Variants in ADD1 observed in about 807,000 individuals in gnomAD.
ADD1 encodes the protein adducin 1.
A neutral mutation model predicts 80.5 loss-of-function variants in ADD1; 24 were observed. The ratio of observed to expected loss-of-function variants is 0.30; its 90% CI spans 0.22 to 0.42. The LOEUF (loss-of-function observed/expected upper bound fraction) is 0.42, where lower values mean the gene tolerates loss of function less well. Among genes scored for constraint, ADD1 ranks in the 10% least tolerant of loss-of-function variants. The pLI, the probability that ADD1 is intolerant of heterozygous loss-of-function variation, is 1.00. For synonymous variants in ADD1, 373 were observed against 393.8 expected (o/e 0.95, Z 0.63); for missense variants, 948 against 1,019.0 (o/e 0.93, Z 0.95).
chr4:2,899,474 T>C, intron 9 of ADD1, 39 bp downstream of exon 9: 2 of 1,611,304 alleles, frequency 1.2e-6, no homozygotes, highest in South Asian at 2.2e-5. Context: ...AACCTTTTGT[T>C]CTAAAAGCAT....
chr4:2,928,527 C>T lies in ADD1; in HGVS notation c.*4C>T. The T allele has an allele frequency of 6.2e-7, 1 of 1,612,060 alleles. No individual in the cohort carries two copies. Among genetic ancestry groups the T allele is most frequent in the Non-Finnish European group, 8.5e-7 (1 of 1,179,310 alleles). The stretch of plus-strand genomic sequence containing the variant: ...CAAGAAGAAGAGTGACTCCTGAAAG[C>T]CCTGCGCTAACACTGTCCTGTCCGG... On this transcript the variant is annotated 3_prime_UTR_variant, in exon 16 of 16. Transcript: ENST00000683351.
Position 2,929,367 on chromosome 4 carries a change from AG to A in ADD1, c.*846del, listed in dbSNP as rs1712620820. On this transcript the variant is annotated 3_prime_UTR_variant, in exon 16 of 16. Coordinates refer to ENST00000683351, the MANE Select transcript of ADD1 (RefSeq NM_001354761.2). ...AGAGCACTTTTCACTTATTTGGGGG[AG>A]GCTTCAGGGGACTGTTCTCACCTTA... 1.3e-5 allele frequency: 2 copies of A among 152,014 alleles called. No individual in the cohort carries two copies. Among genetic ancestry groups the A allele is most frequent in the Admixed American group, 1.3e-4 (2 of 15,272 alleles). The allele number at this position is 152,014 out of a possible 1,614,324, so 9.4% of individuals were successfully genotyped here.
chr4:2,904,741 C>A, intron 9 of ADD1, 23 bp from the exon 10 acceptor site: 1 of 1,591,702 alleles, frequency 6.3e-7, no homozygotes, highest in Non-Finnish European at 8.6e-7. Context: ...TATTGACTGT[C>A]TTTCACTCTC....
In ADD1 at chr4:2,898,460, G is replaced by C. The variant is rs147521356; in HGVS notation, c.913G>C (p.Val305Leu). ...KVLILRNHGL[V>L]SVGESVEEAF... The stretch of plus-strand genomic sequence containing the variant: ...TCTTATTCTCCGGAACCATGGGCTC[G>C]TGTCAGTTGGAGAGAGCGTTGAGGA... Residue 305 changes from valine (V) to leucine (L), a missense_variant, in exon 8 of 16, where the codon GTG (valine) becomes CTG (leucine). By Grantham distance (32) the Val-to-Leu change is conservative. Transcript: ENST00000683351. 8 of 1,614,202 alleles carry C rather than the reference G, an allele frequency of 5.0e-6. No homozygotes were observed. Among genetic ancestry groups the C allele is most frequent in the South Asian group, 4.4e-5 (4 of 91,082 alleles).
At chr4:2,870,868 CCT>C (rs1730316639) in intron 1 of ADD1, among the ~76,000 whole-genome samples, 1 of 151,692 alleles carries the variant, frequency 6.6e-6, no homozygotes, top group Admixed American at 6.6e-5. Flanking sequence ...GTTCCATGTG[CCT>C]CCTAAACAAA....
chr4:2,894,976 A>G (rs545232549), intron 6 of ADD1, among the ~76,000 whole-genome samples: 80 of 152,238 alleles, frequency 5.3e-4, no homozygotes, highest in Middle Eastern at 3.4e-3. Flanking sequence ...AGATTTAACA[A>G]TTGGCCGGGC....
intron 2 of ADD1, among the ~76,000 whole-genome samples, chr4:2,880,537 G>A (rs1050504232): frequency 2.1e-5 from 3 of 143,596 alleles, no homozygotes; most frequent in African/African-American, 5.2e-5. Flanking sequence ...GTGCAGTGGC[G>A]GGATCTCAGC....
At chr4:2,897,387 A>C (rs1367976961) in intron 6 of ADD1, among the ~76,000 whole-genome samples, 1 of 149,254 alleles carries the variant, frequency 6.7e-6, no homozygotes, top group Non-Finnish European at 1.5e-5. Flanking sequence ...GAAATTATAT[A>C]AGAAATTATA....
At chr4:2,877,052 C>G (rs1057295363) in intron 2 of ADD1, among the ~76,000 whole-genome samples, 7 of 151,668 alleles carry the variant, frequency 4.6e-5, no homozygotes, top group African/African-American at 1.7e-4. Context: ...TATGGTCAGC[C>G]TTAACAGTAC....
At position 2,926,057 on chromosome 4, in the gene ADD1, A is replaced by G; in HGVS notation, c.1992A>G (p.Pro664=). The G allele has an allele frequency of 6.2e-7, 1 of 1,614,200 alleles. No homozygotes were observed. The highest frequency in any genetic ancestry group is 8.5e-7 in the Non-Finnish European group (1 of 1,180,020). The part of the protein sequence containing the change: ...EAREQKEKSP[P]DQPAVPHPPP... ...GAGAACAGAAAGAAAAGAGTCCTCC[A>G]GACCAGCCTGCGGTCCCCCACCCGC... The change falls in exon 15 of 16, where the codon CCA becomes CCG. Residue 664 remains proline (P), a synonymous_variant. Transcript: ENST00000683351. This position sits in a 1 kb window ranked among gnomAD's most constrained non-coding sequence, Gnocchi z 5.0.
intron 1 of ADD1, among the ~76,000 whole-genome samples, chr4:2,852,779 C>T (rs1371454986): frequency 2.7e-5 from 4 of 148,550 alleles, no homozygotes; most frequent in Non-Finnish European, 5.9e-5. Context: ...GCTCTCACTG[C>T]AGCCTTGACC....
chr4:2,917,282 C>T lies in ADD1; in HGVS notation c.1948+2242C>T, dbSNP rs1739243285. On this transcript the variant is annotated intron_variant, in intron 14 of 15. Coordinates refer to ENST00000683351, the MANE Select transcript of ADD1 (RefSeq NM_001354761.2). ...GTTTTGATTTGCATTTCTCTAATGA[C>T]CAGTGATGATGAGCTTTTTTTTCAT... Among the ~76,000 whole-genome samples, 3 of 152,016 alleles carry T rather than the reference C, an allele frequency of 2.0e-5. No individual in the cohort carries two copies. In the South Asian group the frequency reaches 6.2e-4, roughly 32 times the overall value.
intron 1 of ADD1, among the ~76,000 whole-genome samples, chr4:2,859,132 G>T (rs1312356246): frequency 2.6e-5 from 4 of 152,096 alleles, no homozygotes; most frequent in African/African-American, 9.7e-5. Flanking sequence ...ATCCCAGGTG[G>T]ATTAAAAAGA....
At chr4:2,878,473 C>G (rs967110253) in intron 2 of ADD1, among the ~76,000 whole-genome samples, 1 of 151,852 alleles carries the variant, frequency 6.6e-6, no homozygotes, top group Non-Finnish European at 1.5e-5. Context: ...AGTTTACTTA[C>G]GTAAAAACAA....
At chr4:2,901,857 C>CCG (rs1553845600) in intron 9 of ADD1, 4 of 148,042 alleles carry the variant, frequency 2.7e-5, no homozygotes, top group African/African-American at 9.9e-5. Flanking sequence ...TGTCCCCCCC[C>CCG]CAAAAAAAAT....
At chr4:2,854,393 G>A (rs1350628299) in intron 1 of ADD1, among the ~76,000 whole-genome samples, 1 of 152,150 alleles carries the variant, frequency 6.6e-6, no homozygotes, top group Admixed American at 6.5e-5. Context: ...GAGGTGCAAG[G>A]TTCTGTATAT....
At position 2,915,895 on chromosome 4, in the gene ADD1, G is replaced by A. The variant is rs111811378; in HGVS notation, c.1948+855G>A. On this transcript the variant is annotated intron_variant, in intron 14 of 15. Coordinates refer to ENST00000683351, the MANE Select transcript of ADD1 (RefSeq NM_001354761.2). Reference sequence around the variant, plus strand: ...GTGTAAATGACGATGTGGAGGACTAGTGGTGGCCACTCACAAGAGTCTGCG... The same window carrying A: ...GTGTAAATGACGATGTGGAGGACTAATGGTGGCCACTCACAAGAGTCTGCG... 9.8e-3 allele frequency among the ~76,000 whole-genome samples: 1,487 copies of A among 152,294 alleles called. 20 individuals are homozygous for A. Among genetic ancestry groups the A allele is most frequent in the African/African-American group, 0.034 (1,403 of 41,564 alleles).
intron 14 of ADD1, among the ~76,000 whole-genome samples, chr4:2,921,627 T>C (rs1740060680): frequency 6.6e-6 from 1 of 152,188 alleles, no homozygotes; most frequent in Non-Finnish European, 1.5e-5. Flanking sequence ...GGGTTGCTCT[T>C]CTTGAGGAGT....
intron 2 of ADD1, among the ~76,000 whole-genome samples, chr4:2,880,144 C>T (rs1466565192): frequency 1.3e-5 from 2 of 152,136 alleles, no homozygotes; most frequent in Non-Finnish European, 2.9e-5. Context: ...GAGTACCTCT[C>T]AGCTTTTCCC....
Sources: allele counts gnomAD v4.1 joint callset (sites outside exome capture counted in the v4.1 genomes callset), GRCh38; gene constraint gnomAD v4.1.1; non-coding constraint Gnocchi (gnomAD v3.1); transcripts MANE v1.5; gene names NCBI Gene and HGNC (gene_info 2026-07-23, HGNC 2026-07-21).